Variants in ADAMTS17 observed in about 807,000 individuals in gnomAD.
ADAMTS17 encodes the protein A disintegrin and metalloproteinase with thrombospondin motifs 17.
A neutral mutation model predicts 141.5 loss-of-function variants in ADAMTS17; 113 were observed. The observed-to-expected ratio is 0.80, with a 90% CI of 0.69 to 0.93. The LOEUF is 0.93. Among genes scored for constraint, ADAMTS17 ranks in the 40% least tolerant of loss-of-function variants. The pLI, the probability that ADAMTS17 is intolerant of heterozygous loss-of-function variation, is 0.00. For missense variants in ADAMTS17, 1,659 were observed against 1,517.9 expected, an observed-to-expected ratio of 1.09 and a Z score of -1.54; for synonymous variants, 768 against 630.6, an observed-to-expected ratio of 1.22 and a Z score of -3.27.
At chr15:100,270,724 AG>A (rs2043877326) in intron 4 of ADAMTS17, among the ~76,000 whole-genome samples, 1 of 100,212 alleles carries the variant, frequency 1.0e-5, no homozygotes, top group African/African-American at 3.7e-5. Flanking sequence ...GGTGATATGT[AG>A]GATGTTTTTA....
intron 8 of ADAMTS17, among the ~76,000 whole-genome samples, chr15:100,169,221 C>T (rs1029365545): frequency 6.6e-6 from 1 of 152,194 alleles, no homozygotes; most frequent in African/African-American, 2.4e-5. Flanking sequence ...ACCAGCACAG[C>T]TTCCACTGCC....
chr15:100,215,352 G>A (rs530046031), intron 7 of ADAMTS17, among the ~76,000 whole-genome samples: 1 of 152,290 alleles, frequency 6.6e-6, no homozygotes, highest in South Asian at 2.1e-4. Flanking sequence ...TCTACCAGAT[G>A]GATTAGGGCC....
At chr15:99,979,830 A>G (rs1306962868) in intron 20 of ADAMTS17, 1 of 152,258 alleles carries the variant, frequency 6.6e-6, no homozygotes, top group Non-Finnish European at 1.5e-5. Context: ...TTTATAATGC[A>G]TAACTTTAAA....
rs185969132 is a variant in ADAMTS17 at position 100,132,293 on chromosome 15, G to A, written c.1576-141C>T. The A allele has an allele frequency of 5.2e-5, 64 of 1,227,862 alleles. No homozygotes were observed. In the East Asian group the frequency reaches 8.5e-4, roughly 16 times the overall value. The allele number at this position is 1,227,862 out of a possible 1,614,324, so 76.1% of individuals were successfully genotyped here. A position where few individuals can be genotyped will look rare whatever the true frequency, so the allele number is the denominator to read the frequency against. On this transcript the variant is annotated intron_variant, in intron 11 of 21. Coordinates refer to ENST00000268070, the MANE Select transcript of ADAMTS17 (RefSeq NM_139057.4). The stretch of plus-strand genomic sequence containing the variant: ...GTACAGTCTATTTCAGGGTTTGCAC[G>A]TTTGCTAATTTTAGAGACATGCCTT...
At position 100,132,040 on chromosome 15, in the gene ADAMTS17, G is replaced by C; in HGVS notation, c.1688C>G (p.Ala563Gly). 1.2e-6 allele frequency: 2 copies of C among 1,613,926 alleles called. No homozygotes were observed. The highest frequency in any genetic ancestry group is 2.2e-5 in the South Asian group (2 of 91,068). Residue 563 changes from alanine to glycine, a missense_variant, in exon 12 of 22, where the codon GCC becomes GGC. By Grantham distance (60) the Ala-to-Gly change is moderately conservative. Coordinates refer to ENST00000268070, the MANE Select transcript of ADAMTS17 (RefSeq NM_139057.4). The stretch of plus-strand genomic sequence containing the variant: ...GTCACATTTCCTCTGCCTGAAGCGG[G>C]CTCCCGTCCCACATGTTCGGCTGCA... The part of the protein sequence containing the change: ...SMCSRTCGTG[A>G]RFRQRKCDNP...
At chr15:100,078,286 A>G (rs915567105) in intron 15 of ADAMTS17, among the ~76,000 whole-genome samples, 3 of 152,072 alleles carry the variant, frequency 2.0e-5, no homozygotes, top group Non-Finnish European at 4.4e-5. Context: ...GACCCAGAAT[A>G]GCCAAAGTAA....
At chr15:100,166,807 G>T (rs1035619639) in intron 8 of ADAMTS17, among the ~76,000 whole-genome samples, 1 of 152,220 alleles carries the variant, frequency 6.6e-6, no homozygotes, top group African/African-American at 2.4e-5. Context: ...TTAAGGCGTA[G>T]TTGTTCTTCA....
chr15:99,996,043 A>G (rs1213687059), intron 19 of ADAMTS17, among the ~76,000 whole-genome samples: 1 of 149,536 alleles, frequency 6.7e-6, no homozygotes, highest in Non-Finnish European at 1.5e-5. Context: ...CCATAAAAAG[A>G]GTCTGAGTGG....
chr15:100,150,325 G>T (rs546187305), intron 10 of ADAMTS17, among the ~76,000 whole-genome samples: 17 of 152,248 alleles, frequency 1.1e-4, no homozygotes, highest in African/African-American at 3.6e-4. Flanking sequence ...TCTCTTTGGG[G>T]TCTATCTTTG....
chr15:99,977,670 C>G (rs1229530556), intron 20 of ADAMTS17, among the ~76,000 whole-genome samples: 1 of 151,748 alleles, frequency 6.6e-6, no homozygotes, highest in African/African-American at 2.4e-5. Context: ...CCCGCCTTGG[C>G]CTCCCAAAGT....
At chr15:100,115,293 C>G (rs376513783) in intron 13 of ADAMTS17, among the ~76,000 whole-genome samples, 3 of 152,194 alleles carry the variant, frequency 2.0e-5, no homozygotes, top group African/African-American at 7.2e-5. Flanking sequence ...TGCAACTGCA[C>G]GGCTCCAGCC....
At chr15:100,027,219 GTTA>G (rs1188703835) in intron 18 of ADAMTS17, among the ~76,000 whole-genome samples, 1 of 152,028 alleles carries the variant, frequency 6.6e-6, no homozygotes. Context: ...AACGACAAAT[GTTA>G]TTATTTGATT....
intron 3 of ADAMTS17, among the ~76,000 whole-genome samples, chr15:100,292,171 TACGAGACACGCTCACCCCGTGGGGAATC>T (rs1262211855): frequency 0.013 from 1,280 of 95,944 alleles, 25 homozygotes; most frequent in African/African-American, 0.044. Context: ...CGTGGGAAAC[TACGAGACACGCTCACCCCGTGGGGAATC>T]ACGAGACACG....
At chr15:100,264,911 G>C (rs1247934270) in intron 4 of ADAMTS17, among the ~76,000 whole-genome samples, 1 of 152,140 alleles carries the variant, frequency 6.6e-6, no homozygotes, top group African/African-American at 2.4e-5. Flanking sequence ...GCGAACCTAA[G>C]AATACCGAAC....
At position 100,115,677 on chromosome 15, in the gene ADAMTS17, G is replaced by T. The variant is rs369450139; in HGVS notation, c.1888+1170C>A. On this transcript the variant is annotated intron_variant, in intron 13 of 21. Coordinates refer to ENST00000268070, the MANE Select transcript of ADAMTS17 (RefSeq NM_139057.4). Reference sequence around the variant, plus strand: ...CACACCTGAACTTGCGACAGCAGAAGGCCAAATGCAGATTTCAAAGGCTCT... The same window carrying T: ...CACACCTGAACTTGCGACAGCAGAATGCCAAATGCAGATTTCAAAGGCTCT... 4.3e-4 allele frequency among the ~76,000 whole-genome samples: 65 copies of T among 152,282 alleles called. 3 individuals carry two copies. In the South Asian group the frequency reaches 0.013, roughly 31 times the overall value.
chr15:100,097,873 CCTTTT>C lies in ADAMTS17; in HGVS notation c.2017-1402_2017-1398del, dbSNP rs766041196. ...TAATCCTCAGGTCTCATCCTCGGAG[CCTTTT>C]ATTTTTTTGAAAAAGATCTAATGGG... is the stretch of plus-strand genomic sequence containing the variant. On this transcript the variant is annotated intron_variant, in intron 14 of 21. Coordinates refer to ENST00000268070, the MANE Select transcript of ADAMTS17 (RefSeq NM_139057.4). 1.1e-3 allele frequency among the ~76,000 whole-genome samples: 164 copies of C among 152,246 alleles called. 5 individuals carry two copies. Among genetic ancestry groups the C allele is most frequent in the South Asian group, 4.1e-4 (2 of 4,822 alleles).
At chr15:100,270,809 T>C (rs1184308674) in intron 4 of ADAMTS17, among the ~76,000 whole-genome samples, 1 of 112,242 alleles carries the variant, frequency 8.9e-6, no homozygotes. Context: ...TTAAGTGACA[T>C]TAAATATATT....
chr15:100,252,124 C>A (rs1461262269), intron 7 of ADAMTS17, among the ~76,000 whole-genome samples: 2 of 152,160 alleles, frequency 1.3e-5, no homozygotes, highest in African/African-American at 4.8e-5. Flanking sequence ...GGGGCCTGAA[C>A]ACAGGATATA....
chr15:99,980,254 GA>G (rs1339427185), intron 20 of ADAMTS17: 11 of 152,276 alleles, frequency 7.2e-5, no homozygotes, highest in African/African-American at 2.4e-4. Context: ...CCAGGAGGCA[GA>G]GGTTGCAGTT....
Sources: gnomAD v4.1 joint callset for allele counts (sites outside exome capture counted in the v4.1 genomes callset) on GRCh38, gnomAD v4.1.1 for gene constraint, MANE v1.5 for transcripts, NCBI Gene and HGNC (gene_info 2026-07-23, HGNC 2026-07-21) for gene names.